Variants in SPECC1 observed in about 807,000 individuals in gnomAD.
SPECC1 encodes the protein sperm antigen with calponin homology and coiled-coil domains 1.
In SPECC1, 62 loss-of-function variants were observed where a neutral mutation model predicts 104.1. The ratio of observed to expected loss-of-function variants is 0.60; its 90% CI spans 0.49 to 0.74. The LOEUF (loss-of-function observed/expected upper bound fraction) is 0.74. Among genes scored for constraint, SPECC1 ranks in the 30% least tolerant of loss-of-function variants. The pLI is 0.00. For missense variants in SPECC1, 1,306 were observed against 1,310.5 expected (o/e 1.00, Z 0.05); for synonymous variants, 513 against 501.6 (o/e 1.02, Z -0.30).
intron 1 of SPECC1, chr17:20,056,284 G>C (rs993827139): frequency 1.8e-5 from 3 of 168,446 alleles, no homozygotes; most frequent in African/African-American, 7.2e-5. Context: ...AGCTCAGTGT[G>C]CAATGGTGAC....
At chr17:20,048,296 G>A (rs2045616058) in intron 1 of SPECC1, among the ~76,000 whole-genome samples, 1 of 151,842 alleles carries the variant, frequency 6.6e-6, no homozygotes, top group Admixed American at 6.6e-5. Flanking sequence ...ACCACGCCCG[G>A]CTAATTTTTT....
Position 20,260,081 on chromosome 17 carries a change from G to C in SPECC1, c.2838-111G>C. 4.1e-6 allele frequency: 3 copies of C among 734,312 alleles called. No homozygotes were observed. In the Admixed American group the frequency reaches 8.5e-5, roughly 21 times the overall value. The allele number at this position is 734,312 out of a possible 1,614,324, so 45.5% of individuals were successfully genotyped here. On this transcript the variant is annotated intron_variant, in intron 11 of 14. Coordinates refer to ENST00000395527, the MANE Select transcript of SPECC1 (RefSeq NM_001243439.2). The stretch of plus-strand genomic sequence containing the variant: ...AATTCGGCTGTTTCTTTAGAATCTT[G>C]CTGGATAAACTAGACTTTTGCTTTT...
chr17:20,144,717 G>A (rs773305755), intron 3 of SPECC1, among the ~76,000 whole-genome samples: 2 of 152,188 alleles, frequency 1.3e-5, no homozygotes, highest in Non-Finnish European at 2.9e-5. Flanking sequence ...CAATCCTCCT[G>A]CCTCAGCCTC....
chr17:20,277,671 A>G (rs149617352), intron 12 of SPECC1, among the ~76,000 whole-genome samples: 16 of 152,258 alleles, frequency 1.1e-4, no homozygotes, highest in Admixed American at 3.3e-4. Context: ...ACTGCTTTCT[A>G]TTTCCGAAAT....
chr17:20,054,719 G>A (rs1355695510), intron 1 of SPECC1, among the ~76,000 whole-genome samples: 5 of 151,962 alleles, frequency 3.3e-5, no homozygotes, highest in Non-Finnish European at 5.9e-5. Context: ...CTGGGCTGGA[G>A]TACAGTGGTG....
chr17:20,091,206 A>G (rs2047386897), intron 1 of SPECC1, among the ~76,000 whole-genome samples: 1 of 152,162 alleles, frequency 6.6e-6, no homozygotes, highest in Non-Finnish European at 1.5e-5. Context: ...ATCTGAGGCT[A>G]TTGGGATGAT....
At chr17:20,076,107 A>G (rs768371315) in intron 1 of SPECC1, among the ~76,000 whole-genome samples, 1 of 152,202 alleles carries the variant, frequency 6.6e-6, no homozygotes, top group Non-Finnish European at 1.5e-5. Context: ...ACAGAGTATG[A>G]CCCTGTTCTA....
chr17:20,193,958 A>G (rs187705851), intron 3 of SPECC1, among the ~76,000 whole-genome samples: 5 of 152,318 alleles, frequency 3.3e-5, no homozygotes, highest in African/African-American at 9.6e-5. Flanking sequence ...TGCAGAAACA[A>G]ACTGAAAAAC....
At position 20,156,150 on chromosome 17, in the gene SPECC1, A is replaced by C. The variant is rs777123957; in HGVS notation, c.283+45588A>C. 9.8e-6 allele frequency: 14 copies of C among 1,431,100 alleles called. No homozygotes were observed. In the African/African-American group the frequency reaches 2.1e-4, roughly 21 times the overall value. The allele number at this position is 1,431,100 out of a possible 1,614,324, so 88.7% of individuals were successfully genotyped here. A position where few individuals can be genotyped will look rare whatever the true frequency, so the allele number is the denominator to read the frequency against. ...CCAGCGCGAGCTCGGCACGGTGGAC[A>C]CCCGGTCCGAGGCCGGCAAGCCGGC... On this transcript the variant is annotated intron_variant, in intron 3 of 14. Transcript: ENST00000395527.
intron 11 of SPECC1, 57 bp from the exon 12 acceptor site, chr17:20,260,135 T>G (rs897993377): frequency 2.9e-6 from 4 of 1,376,630 alleles, no homozygotes; most frequent in Non-Finnish European, 2.0e-6. Context: ...TCTTGTGTAT[T>G]TGAGAATTCT....
In SPECC1 at chr17:20,314,963, G is replaced by A. The variant is rs546318542; in HGVS notation, c.*898G>A. ...ACACCTCTGCCACCAAAGTCTGTGT[G>A]CTCCTGAGCAGCTCGCGGCTTTCAC... On this transcript the variant is annotated 3_prime_UTR_variant, in exon 15 of 15. Transcript: ENST00000395527. 3.0e-5 allele frequency: 7 copies of A among 232,508 alleles called. No individual in the cohort carries two copies. Among genetic ancestry groups the A allele is most frequent in the Admixed American group, 5.6e-5 (1 of 17,770 alleles). 14.4% of individuals were successfully genotyped at this position (232,508 alleles called of 1,614,324 possible).
At chr17:20,131,087 T>A (rs115307049) in intron 3 of SPECC1, among the ~76,000 whole-genome samples, 5,848 of 152,328 alleles carry the variant, frequency 0.038, 369 homozygotes, top group African/African-American at 0.13. Flanking sequence ...CTTGCAACTT[T>A]GCTAAAGTCG....
At chr17:20,030,409 A>G (rs2044761627) in intron 1 of SPECC1, among the ~76,000 whole-genome samples, 1 of 151,858 alleles carries the variant, frequency 6.6e-6, no homozygotes, top group South Asian at 2.1e-4. Flanking sequence ...TGTAATTATT[A>G]TTTTTAAATT....
chr17:20,150,962 A>G (rs1473753048), intron 3 of SPECC1, among the ~76,000 whole-genome samples: 1 of 152,168 alleles, frequency 6.6e-6, no homozygotes, highest in Non-Finnish European at 1.5e-5. Context: ...ATATTATTTT[A>G]TTGTTTATGC....
chr17:20,309,267 G>A (rs1039466602), intron 14 of SPECC1, among the ~76,000 whole-genome samples: 1 of 152,208 alleles, frequency 6.6e-6, no homozygotes, highest in African/African-American at 2.4e-5. Flanking sequence ...AGTCAGAAGT[G>A]ACAGCAGTAA....
At chr17:20,177,072 A>G (rs1216517406) in intron 3 of SPECC1, among the ~76,000 whole-genome samples, 1 of 152,214 alleles carries the variant, frequency 6.6e-6, no homozygotes, top group Non-Finnish European at 1.5e-5. Flanking sequence ...AGTTTGATAG[A>G]AGAGAGATGT....
intron 3 of SPECC1, among the ~76,000 whole-genome samples, chr17:20,123,465 C>T (rs2049137257): frequency 6.6e-6 from 1 of 152,192 alleles, no homozygotes; most frequent in East Asian, 1.9e-4. Context: ...CTCCCAGTTA[C>T]CTGCATCACA....
At chr17:20,243,274 T>G (rs920567544) in intron 7 of SPECC1, among the ~76,000 whole-genome samples, 2 of 152,236 alleles carry the variant, frequency 1.3e-5, no homozygotes, top group Admixed American at 1.3e-4. Flanking sequence ...GTTTTTCTTT[T>G]ATTTAATGCT....
At chr17:20,074,500 C>T (rs1448622412) in intron 1 of SPECC1, among the ~76,000 whole-genome samples, 1 of 152,178 alleles carries the variant, frequency 6.6e-6, no homozygotes, top group Non-Finnish European at 1.5e-5. Context: ...ATTTCCTTGT[C>T]CCACTGACTC....
Sources: allele counts gnomAD v4.1 joint callset (sites outside exome capture counted in the v4.1 genomes callset), GRCh38; gene constraint gnomAD v4.1.1; transcripts MANE v1.5; gene names NCBI Gene and HGNC (gene_info 2026-07-23, HGNC 2026-07-21).